Variants in GALNT13 observed in about 807,000 individuals in gnomAD.
GALNT13 encodes the protein UDP-GalNAc:polypeptide N-acetylgalactosaminyltransferase 13.
In GALNT13, 28 loss-of-function variants were observed where a neutral mutation model predicts 64.2. The ratio of observed to expected loss-of-function variants is 0.44; its 90% CI spans 0.32 to 0.60. The LOEUF is 0.60. Among genes scored for constraint, GALNT13 ranks in the 20% least tolerant of loss-of-function variants. The pLI, the probability that GALNT13 is intolerant of heterozygous loss-of-function variation, is 0.05. For synonymous variants in GALNT13, 214 were observed against 224.6 expected (o/e 0.95, Z 0.42); for missense variants, 577 against 669.8 (o/e 0.86, Z 1.53).
At chr2:154,261,826 A>G (rs1419663674) in intron 8 of GALNT13, among the ~76,000 whole-genome samples, 3 of 152,118 alleles carry the variant, frequency 2.0e-5, no homozygotes, top group East Asian at 1.9e-4. Context: ...CTCAACTGTA[A>G]AAAGGTGATT....
At chr2:153,783,547 A>G in the GALNT13 span, among the ~76,000 whole-genome samples, 1 of 151,970 alleles carries the variant, frequency 6.6e-6, no homozygotes, top group Non-Finnish European at 1.5e-5. Context: ...TTTAATCTCA[A>G]CCTGGACTTC....
intron 3 of GALNT13, among the ~76,000 whole-genome samples, chr2:154,106,217 G>T (rs1257023000): frequency 2.6e-5 from 4 of 151,960 alleles, no homozygotes; most frequent in African/African-American, 9.7e-5. Context: ...CTTATTTCAT[G>T]GATCATGCTT....
chr2:154,455,613 G>A (rs947207059), downstream of GALNT13, among the ~76,000 whole-genome samples: 1 of 152,000 alleles, frequency 6.6e-6, no homozygotes, highest in Non-Finnish European at 1.5e-5. Flanking sequence ...ATAGTACATG[G>A]ACACATCTGT....
chr2:154,049,366 T>G (rs1323569168), intron 3 of GALNT13, among the ~76,000 whole-genome samples: 2 of 148,518 alleles, frequency 1.3e-5, no homozygotes, highest in Non-Finnish European at 3.0e-5. Flanking sequence ...ATATATAATT[T>G]AAAGAATATA....
chr2:153,846,284 C>G, the GALNT13 span, among the ~76,000 whole-genome samples: 7,338 of 152,100 alleles, frequency 0.048, 222 homozygotes, highest in East Asian at 0.13. Context: ...AGAATTTAAA[C>G]AGAGGACTGT....
chr2:153,876,361 G>C (rs977643592), intron 1 of GALNT13, among the ~76,000 whole-genome samples: 14 of 151,992 alleles, frequency 9.2e-5, no homozygotes, highest in African/African-American at 3.4e-4. Context: ...TTCTATCAAG[G>C]CACATTGTTG....
intron 9 of GALNT13, among the ~76,000 whole-genome samples, chr2:154,365,371 A>G (rs1235667161): frequency 6.6e-6 from 1 of 152,200 alleles, no homozygotes; most frequent in Non-Finnish European, 1.5e-5. Context: ...ACCCTCAAAG[A>G]CAAAAGGAAA....
the GALNT13 span, among the ~76,000 whole-genome samples, chr2:153,791,717 T>C: frequency 6.6e-6 from 1 of 152,114 alleles, no homozygotes; most frequent in Non-Finnish European, 1.5e-5. Flanking sequence ...ATATGGTATG[T>C]CTACACCATG....
chr2:154,108,762 T>G (rs1464366448), intron 3 of GALNT13, among the ~76,000 whole-genome samples: 2 of 152,130 alleles, frequency 1.3e-5, no homozygotes, highest in Non-Finnish European at 2.9e-5. Flanking sequence ...GGTATGAGTT[T>G]TGTATACAGT....
At chr2:154,008,597 C>A (rs909237038) in intron 3 of GALNT13, among the ~76,000 whole-genome samples, 6 of 152,046 alleles carry the variant, frequency 3.9e-5, no homozygotes, top group African/African-American at 1.4e-4. Context: ...CCTCCCTGCT[C>A]AACTAGGCCC....
chr2:154,145,116 A>ATATATATATG (rs1383133706), intron 4 of GALNT13, among the ~76,000 whole-genome samples: 2 of 143,344 alleles, frequency 1.4e-5, no homozygotes, highest in African/African-American at 5.0e-5. Context: ...ATATATATAT[A>ATATATATATG]TATACACACA....
chr2:153,824,587 T>C, the GALNT13 span, among the ~76,000 whole-genome samples: 1 of 152,118 alleles, frequency 6.6e-6, no homozygotes, highest in South Asian at 2.1e-4. Context: ...ATTGAGATGA[T>C]GTGGGAGGCA....
At chr2:153,491,594 A>ATATTTATTTATT in the GALNT13 span, among the ~76,000 whole-genome samples, 199 of 145,450 alleles carry the variant, frequency 1.4e-3, no homozygotes, top group African/African-American at 2.0e-3. Flanking sequence ...AAACCATATT[A>ATATTTATTTATT]TATTTATTTA....
At chr2:154,185,476 A>G (rs1054291918) in intron 4 of GALNT13, among the ~76,000 whole-genome samples, 26 of 151,940 alleles carry the variant, frequency 1.7e-4, no homozygotes, top group African/African-American at 6.0e-4. Flanking sequence ...CGAGATTCTC[A>G]TAGTATACAT....
At chr2:153,311,573 C>A in the GALNT13 span, among the ~76,000 whole-genome samples, 1 of 152,194 alleles carries the variant, frequency 6.6e-6, no homozygotes, top group Non-Finnish European at 1.5e-5. Context: ...AGCTGTCTCA[C>A]GTTTGACTGG....
the GALNT13 span, among the ~76,000 whole-genome samples, chr2:153,316,073 G>T: frequency 6.6e-6 from 1 of 151,466 alleles, no homozygotes; most frequent in African/African-American, 2.4e-5. Flanking sequence ...ATATACAAAT[G>T]ACATATCCCA....
the GALNT13 span, among the ~76,000 whole-genome samples, chr2:153,091,546 C>T: frequency 6.6e-6 from 1 of 152,206 alleles, no homozygotes; most frequent in African/African-American, 2.4e-5. Flanking sequence ...TTTCCTGGTA[C>T]ATTCCTGTGG....
chr2:153,409,307 T>TATGA, the GALNT13 span, among the ~76,000 whole-genome samples: 1 of 127,582 alleles, frequency 7.8e-6, no homozygotes, highest in African/African-American at 3.2e-5. Context: ...TGTATATATA[T>TATGA]ATATGAATAT....
chr2:153,293,919 C>T, the GALNT13 span, among the ~76,000 whole-genome samples: 1 of 152,034 alleles, frequency 6.6e-6, no homozygotes. Flanking sequence ...CAGGCTCAAA[C>T]AATCCTCCCA....
Sources: allele counts gnomAD v4.1 joint callset (sites outside exome capture counted in the v4.1 genomes callset), GRCh38; gene constraint gnomAD v4.1.1; transcripts MANE v1.5; gene names NCBI Gene and HGNC (gene_info 2026-07-23, HGNC 2026-07-21).